The following SGIP1 variants were observed in gnomAD, a reference collection of about 807,000 sequenced individuals.
SGIP1 encodes SH3GL interacting endocytic adaptor 1, also known as SH3-containing GRB2-like protein 3-interacting protein 1.
A neutral mutation model predicts 107.5 loss-of-function variants in SGIP1; 38 were observed. The observed-to-expected ratio is 0.35, with a 90% CI of 0.27 to 0.46. The LOEUF is 0.46. SGIP1 is among the 20% of genes least tolerant of loss of function. The pLI is 1.00. For synonymous variants in SGIP1, 365 were observed against 366.1 expected (o/e 1.00, Z 0.03); for missense variants, 929 against 1,019.5 (o/e 0.91, Z 1.21).
At position 66,718,833 on chromosome 1, in the gene SGIP1, G is replaced by GA. The variant is rs147366527; in HGVS notation, c.1631-452dup. On this transcript the variant is annotated intron_variant, in intron 18 of 24. Transcript: ENST00000371037. ...GGCTTTTTGAAATGGAAATAATCCAGAAAAAAAAAGTGGGTAATGTGATAC... is the reference window on the plus strand; with the variant it reads ...GGCTTTTTGAAATGGAAATAATCCAGAAAAAAAAAAGTGGGTAATGTGATAC... Among the ~76,000 whole-genome samples the GA allele has an allele frequency of 8.0e-4, 120 of 150,530 alleles. 8 individuals carry two copies. In the East Asian group the frequency reaches 0.02, roughly 25 times the overall value.
rs754575507 is a variant in SGIP1 at position 66,690,249 on chromosome 1, G to A, written c.1503G>A (p.Ala501=). Residue 501 remains alanine (A), a synonymous_variant, in exon 17 of 25, where the codon GCG becomes GCA. Transcript: ENST00000371037. ...SSSPPPIAPL[A]RAESTSSISS... ...GCCCTCCTCCAATAGCACCCTTAGC[G>A]CGGGCTGAAAGCACTTCTTCAATAT... The A allele has an allele frequency of 5.6e-6, 9 of 1,613,958 alleles. No individual in the cohort carries two copies. In the East Asian group the frequency reaches 6.7e-5, roughly 12 times the overall value.
At chr1:66,660,009 A>AGGAAGGAATGAAG (rs1277847173) in intron 7 of SGIP1, 1 of 81,470 alleles carries the variant, frequency 1.2e-5, no homozygotes, top group Non-Finnish European at 2.1e-5. Context: ...ACAGACAGAC[A>AGGAAGGAATGAAG]GACAGACAGG....
At chr1:66,667,330 G>A (rs181746692) in intron 8 of SGIP1, among the ~76,000 whole-genome samples, 200 bp from the exon 9 acceptor site, 28 of 152,274 alleles carry the variant, frequency 1.8e-4, no homozygotes, top group Admixed American at 1.8e-3. Flanking sequence ...ACAATGGATA[G>A]CCTCTCTTTA....
intron 9 of SGIP1, among the ~76,000 whole-genome samples, chr1:66,670,775 C>T (rs1327404696): frequency 6.6e-6 from 1 of 152,022 alleles, no homozygotes; most frequent in African/African-American, 2.4e-5. Context: ...AGAAGACTTA[C>T]GATTTACCCT....
intron 18 of SGIP1, among the ~76,000 whole-genome samples, chr1:66,717,758 G>A (rs768161147): frequency 6.6e-6 from 1 of 152,074 alleles, no homozygotes; most frequent in Admixed American, 6.6e-5. Context: ...TTTGAGCCTT[G>A]GTTCCATCAA....
intron 14 of SGIP1, 106 bp downstream of exon 14, chr1:66,679,858 C>A: frequency 9.7e-7 from 1 of 1,025,872 alleles, no homozygotes; most frequent in Non-Finnish European, 1.4e-6. Context: ...ACAAAAACAT[C>A]ACAATGTTGG....
intron 7 of SGIP1, 121 bp from the exon 8 acceptor site, chr1:66,660,392 C>T: frequency 1.2e-6 from 1 of 864,560 alleles, no homozygotes; most frequent in African/African-American, 1.7e-5. Flanking sequence ...TTTATAAAAG[C>T]AGTGCCTTCG....
chr1:66,579,465 C>A (rs2061525101), intron 1 of SGIP1, among the ~76,000 whole-genome samples: 1 of 152,170 alleles, frequency 6.6e-6, no homozygotes, highest in East Asian at 1.9e-4. Flanking sequence ...AGAGGGCAGA[C>A]TTGAAATGAA....
chr1:66,548,485 C>A (rs924997386), intron 1 of SGIP1, among the ~76,000 whole-genome samples: 1 of 151,966 alleles, frequency 6.6e-6, no homozygotes, highest in Non-Finnish European at 1.5e-5. Flanking sequence ...TTTTCAGAGA[C>A]ATGCTGACAG....
intron 17 of SGIP1, among the ~76,000 whole-genome samples, chr1:66,691,281 A>G (rs917224263): frequency 2.6e-5 from 4 of 152,134 alleles, no homozygotes; most frequent in African/African-American, 9.7e-5. Context: ...CAGTCTGCCC[A>G]GTTGCCTATG....
intron 19 of SGIP1, among the ~76,000 whole-genome samples, chr1:66,721,263 G>T (rs542410190): frequency 1.3e-5 from 2 of 152,242 alleles, no homozygotes; most frequent in African/African-American, 4.8e-5. Flanking sequence ...ATACGTATTT[G>T]TTCTGTAGAA....
chr1:66,580,841 A>C (rs1464004555), intron 1 of SGIP1, among the ~76,000 whole-genome samples: 3 of 152,182 alleles, frequency 2.0e-5, no homozygotes, highest in Non-Finnish European at 4.4e-5. Context: ...TTACTAGCAG[A>C]ATATATAACT....
At chr1:66,620,236 T>A (rs918153955) in intron 1 of SGIP1, among the ~76,000 whole-genome samples, 6 of 152,148 alleles carry the variant, frequency 3.9e-5, no homozygotes, top group Non-Finnish European at 7.3e-5. Context: ...TTTAGTTAGT[T>A]TAGGGAAGCT....
chr1:66,726,101 T>C (rs764620901), intron 19 of SGIP1, among the ~76,000 whole-genome samples: 28 of 152,290 alleles, frequency 1.8e-4, no homozygotes, highest in Admixed American at 3.9e-4. Flanking sequence ...CTACATGCAC[T>C]GCAGGAGCCA....
At chr1:66,586,300 A>ATCTTTTAG (rs1216894257) in intron 1 of SGIP1, among the ~76,000 whole-genome samples, 2 of 152,124 alleles carry the variant, frequency 1.3e-5, no homozygotes, top group Non-Finnish European at 2.9e-5. Context: ...ACCAATCTTT[A>ATCTTTTAG]TCTTTTAGTT....
chr1:66,645,493 G>A (rs1328777903), intron 7 of SGIP1, among the ~76,000 whole-genome samples: 1 of 152,156 alleles, frequency 6.6e-6, no homozygotes, highest in Admixed American at 6.5e-5. Context: ...GTGAAAACTA[G>A]ATGGAGACAC....
At chr1:66,568,719 A>C (rs1474111989) in intron 1 of SGIP1, among the ~76,000 whole-genome samples, 1 of 152,042 alleles carries the variant, frequency 6.6e-6, no homozygotes, top group Non-Finnish European at 1.5e-5. Flanking sequence ...CAACATACGC[A>C]AATCAATAAA....
At chr1:66,666,088 G>A (rs1351788433) in intron 8 of SGIP1, 1 of 152,086 alleles carries the variant, frequency 6.6e-6, no homozygotes. Context: ...TTTCATCTAG[G>A]GTTTTTATGG....
intron 1 of SGIP1, among the ~76,000 whole-genome samples, chr1:66,537,763 C>T (rs967322): frequency 0.69 from 104,305 of 151,866 alleles, 36,363 homozygotes; most frequent in East Asian, 1. Flanking sequence ...TAACCTGAAA[C>T]TAAGTATATT....
Sources: allele counts gnomAD v4.1 joint callset (sites outside exome capture counted in the v4.1 genomes callset), GRCh38; gene constraint gnomAD v4.1.1; transcripts MANE v1.5; gene names NCBI Gene and HGNC (gene_info 2026-07-23, HGNC 2026-07-21).